Variants in LOC400499 observed in about 807,000 individuals in gnomAD.
chr16:11,471,509 A>T, the LOC400499 span: 1 of 397,928 alleles, frequency 2.5e-6, no homozygotes. Flanking sequence ...CAGCATGTGC[A>T]AACGTCCAGA....
the LOC400499 span, among the ~76,000 whole-genome samples, chr16:11,395,774 G>A: frequency 5.8e-4 from 88 of 152,284 alleles, no homozygotes; most frequent in African/African-American, 1.7e-3. Flanking sequence ...CAGGGAGACA[G>A]AGGAGGTGGA....
chr16:11,448,824 C>G, the LOC400499 span: 12 of 1,087,976 alleles, frequency 1.1e-5, no homozygotes, highest in South Asian at 2.8e-4. Flanking sequence ...GCCAGTAGCA[C>G]AAAGCCCTTT....
the LOC400499 span, among the ~76,000 whole-genome samples, chr16:11,516,508 C>A: frequency 6.6e-6 from 1 of 152,138 alleles, no homozygotes; most frequent in Non-Finnish European, 1.5e-5. Flanking sequence ...TCTGAGCCAC[C>A]CCAGCCTTTT....
chr16:11,372,746 G>A, the LOC400499 span: 1 of 982,984 alleles, frequency 1.0e-6, no homozygotes, highest in Admixed American at 6.1e-5. Context: ...AAACTGTAAA[G>A]GAGAGAGAAA....
At chr16:11,490,288 C>CA in the LOC400499 span, among the ~76,000 whole-genome samples, 1 of 149,182 alleles carries the variant, frequency 6.7e-6, no homozygotes, top group Non-Finnish European at 1.5e-5. Context: ...CCCAGCTACT[C>CA]AAGAGGCTGA....
chr16:11,419,390 T>C, the LOC400499 span, among the ~76,000 whole-genome samples: 1 of 151,924 alleles, frequency 6.6e-6, no homozygotes, highest in Non-Finnish European at 1.5e-5. Flanking sequence ...GAAAACTGGC[T>C]AGCCATATGT....
At chr16:11,418,005 G>A in the LOC400499 span, among the ~76,000 whole-genome samples, 1 of 152,140 alleles carries the variant, frequency 6.6e-6, no homozygotes, top group African/African-American at 2.4e-5. Flanking sequence ...GACCAATGGG[G>A]TTACTCCAGC....
At chr16:11,386,716 G>A in the LOC400499 span, among the ~76,000 whole-genome samples, 29 of 152,320 alleles carry the variant, frequency 1.9e-4, no homozygotes, top group African/African-American at 6.5e-4. Context: ...GAGTCCCACA[G>A]AGGTTAGACT....
the LOC400499 span, among the ~76,000 whole-genome samples, chr16:11,424,717 C>A: frequency 6.6e-6 from 1 of 152,190 alleles, no homozygotes; most frequent in Non-Finnish European, 1.5e-5. Context: ...CTGGGGGCCC[C>A]TCCAGGCCTG....
At chr16:11,460,715 C>T in the LOC400499 span, 3 of 1,415,540 alleles carry the variant, frequency 2.1e-6, no homozygotes, top group Non-Finnish European at 1.9e-6. Flanking sequence ...AGCCACACCC[C>T]CCATGCTTTG....
chr16:11,384,438 GC>G, the LOC400499 span: 1 of 506,876 alleles, frequency 2.0e-6, no homozygotes, highest in African/African-American at 2.0e-5. Context: ...ACACAGAGGA[GC>G]AGTAGAGTCC....
chr16:11,395,998 C>G, the LOC400499 span, among the ~76,000 whole-genome samples: 2 of 152,302 alleles, frequency 1.3e-5, no homozygotes, highest in East Asian at 3.9e-4. Flanking sequence ...TCCTACTTCC[C>G]AGGGCTGCTG....
At chr16:11,434,238 T>C in the LOC400499 span, among the ~76,000 whole-genome samples, 1 of 152,162 alleles carries the variant, frequency 6.6e-6, no homozygotes, top group Non-Finnish European at 1.5e-5. Flanking sequence ...CTATAAGTAA[T>C]AATGTATAAA....
the LOC400499 span, among the ~76,000 whole-genome samples, chr16:11,490,008 T>C: frequency 6.6e-6 from 1 of 152,086 alleles, no homozygotes; most frequent in Non-Finnish European, 1.5e-5. Flanking sequence ...TGGGTTATAG[T>C]ACAAACTTCT....
the LOC400499 span, chr16:11,487,425 T>A: frequency 5.0e-6 from 2 of 398,496 alleles, no homozygotes; most frequent in African/African-American, 4.1e-5. Flanking sequence ...CTCTGTACAC[T>A]CACAGAGTGG....
chr16:11,434,648 G>A, the LOC400499 span, among the ~76,000 whole-genome samples: 5 of 152,184 alleles, frequency 3.3e-5, no homozygotes, highest in South Asian at 2.1e-4. Flanking sequence ...TGTTTTTTCC[G>A]ATTACACCTG....
At chr16:11,495,274 C>A in the LOC400499 span, among the ~76,000 whole-genome samples, 2 of 152,002 alleles carry the variant, frequency 1.3e-5, no homozygotes, top group African/African-American at 2.4e-5. Context: ...GACTCAGACG[C>A]CCAGCTACCC....
At chr16:11,382,973 A>G in the LOC400499 span, among the ~76,000 whole-genome samples, 5 of 152,250 alleles carry the variant, frequency 3.3e-5, no homozygotes, top group African/African-American at 1.2e-4. Context: ...TACAGGCTGT[A>G]CAAGCACGCC....
the LOC400499 span, among the ~76,000 whole-genome samples, chr16:11,487,096 T>A: frequency 0.31 from 47,104 of 151,636 alleles, 8,076 homozygotes; most frequent in African/African-American, 0.42. Context: ...GGTGAATTGA[T>A]AGATGTATGG....
Sources: allele counts gnomAD v4.1 joint callset (sites outside exome capture counted in the v4.1 genomes callset), GRCh38; gene constraint gnomAD v4.1.1; transcripts MANE v1.5.